The following SOX6 variants were observed in gnomAD, a reference collection of about 807,000 sequenced individuals.
The protein encoded by SOX6 is transcription factor SOX-6.
In SOX6, 11 loss-of-function variants were observed where a neutral mutation model predicts 97.8. The observed-to-expected ratio is 0.11, with a 90% CI of 0.07 to 0.19. SOX6 has a LOEUF of 0.19. SOX6 is among the 10% of genes least tolerant of loss of function. SOX6 has a pLI of 1.00. For missense variants in SOX6, 810 were observed against 1,039.5 expected (o/e 0.78, Z 3.04); for synonymous variants, 360 against 371.4 (o/e 0.97, Z 0.35).
chr11:16,470,632 T>C (rs548884538), intron 1 of SOX6, among the ~76,000 whole-genome samples: 107 of 152,226 alleles, frequency 7.0e-4, no homozygotes, highest in African/African-American at 2.4e-3. Context: ...ATTTCAAAAA[T>C]ATTTATACAG....
chr11:16,172,406 C>T (rs1851063675), intron 6 of SOX6, among the ~76,000 whole-genome samples: 1 of 152,062 alleles, frequency 6.6e-6, no homozygotes, highest in Non-Finnish European at 1.5e-5. Flanking sequence ...TCCCTGAAAG[C>T]AGGCCTTTAC....
chr11:16,256,067 A>G (rs1210687659), intron 3 of SOX6, among the ~76,000 whole-genome samples: 1 of 152,026 alleles, frequency 6.6e-6, no homozygotes, highest in African/African-American at 2.4e-5. Flanking sequence ...TTATATATTA[A>G]AGAAATTAAA....
chr11:16,351,847 T>C (rs2134360187), intron 1 of SOX6, among the ~76,000 whole-genome samples: 1 of 152,244 alleles, frequency 6.6e-6, no homozygotes, highest in African/African-American at 2.4e-5. Context: ...TTTAAAAATG[T>C]ATAATATCAT....
At chr11:16,396,621 A>C (rs562203851) in intron 1 of SOX6, among the ~76,000 whole-genome samples, 1 of 151,748 alleles carries the variant, frequency 6.6e-6, no homozygotes, top group East Asian at 1.9e-4. Flanking sequence ...AACTTCTCCT[A>C]AGTACAACAA....
intron 1 of SOX6, among the ~76,000 whole-genome samples, chr11:16,367,831 T>C (rs1857396816): frequency 6.6e-6 from 1 of 152,150 alleles, no homozygotes; most frequent in African/African-American, 2.4e-5. Context: ...ATACAAATAA[T>C]ACATGTACAT....
intron 6 of SOX6, among the ~76,000 whole-genome samples, chr11:16,116,605 T>G (rs1590206509): frequency 2.6e-5 from 4 of 152,322 alleles, no homozygotes; most frequent in Admixed American, 2.6e-4. Flanking sequence ...TGATAACATC[T>G]TGCAAAACTA....
At chr11:16,173,974 T>C (rs1447052092) in intron 6 of SOX6, among the ~76,000 whole-genome samples, 1 of 151,172 alleles carries the variant, frequency 6.6e-6, no homozygotes, top group Non-Finnish European at 1.5e-5. Flanking sequence ...GCCTCCCAAG[T>C]AGCTAGGACT....
At chr11:16,473,879 T>G (rs1043705793) in intron 1 of SOX6, among the ~76,000 whole-genome samples, 1 of 152,256 alleles carries the variant, frequency 6.6e-6, no homozygotes, top group Non-Finnish European at 1.5e-5. Context: ...CATACAATGC[T>G]GTTTGATAGC....
chr11:16,454,123 GT>G (rs1205362403), intron 1 of SOX6, among the ~76,000 whole-genome samples: 4 of 151,968 alleles, frequency 2.6e-5, no homozygotes, highest in Admixed American at 2.6e-4. Context: ...TCTTCTATAG[GT>G]TTTAAACTTT....
intron 4 of SOX6, among the ~76,000 whole-genome samples, chr11:16,604,043 G>A (rs1367681662): frequency 6.6e-6 from 1 of 152,236 alleles, no homozygotes; most frequent in Non-Finnish European, 1.5e-5. Context: ...CGACTGTCCA[G>A]TGACACCTTA....
chr11:16,555,665 G>A (rs1847741184), intron 4 of SOX6, among the ~76,000 whole-genome samples: 1 of 151,484 alleles, frequency 6.6e-6, no homozygotes, highest in South Asian at 2.1e-4. Context: ...CAATTAGAAG[G>A]AATACATATA....
At chr11:16,486,403 C>G (rs1021939671) in intron 4 of SOX6, among the ~76,000 whole-genome samples, 1 of 151,808 alleles carries the variant, frequency 6.6e-6, no homozygotes, top group African/African-American at 2.4e-5. Flanking sequence ...TTTTTAAGAT[C>G]TTTTTTTTCT....
intron 3 of SOX6, 74 bp downstream of exon 3, chr11:16,318,372 C>CTTTTTT: frequency 1.5e-6 from 2 of 1,361,810 alleles, no homozygotes; most frequent in Non-Finnish European, 2.1e-6. Context: ...TGAAATCCCA[C>CTTTTTT]TTTTTTTTTT....
At chr11:16,199,964 C>T (rs1851888587) in intron 4 of SOX6, among the ~76,000 whole-genome samples, 1 of 152,138 alleles carries the variant, frequency 6.6e-6, no homozygotes, top group Non-Finnish European at 1.5e-5. Flanking sequence ...TTTCTAACAT[C>T]ACCTTCTTCC....
intron 6 of SOX6, among the ~76,000 whole-genome samples, chr11:16,120,722 T>C (rs1849469138): frequency 6.6e-6 from 1 of 152,090 alleles, no homozygotes; most frequent in South Asian, 2.1e-4. Context: ...ATTCACAGAA[T>C]AAACGAAAAA....
chr11:16,256,160 A>G lies in SOX6; in HGVS notation c.446-21489T>C, dbSNP rs142399474. Among the ~76,000 whole-genome samples the G allele has an allele frequency of 4.2e-3, 644 of 152,156 alleles. 2 individuals carry two copies. The highest frequency in any genetic ancestry group is 6.8e-3 in the Non-Finnish European group (465 of 67,886). ...ATGCCAATTCTATATCATTTCTTTC[A>G]GAAGATAGAAGCAAAGGGAATCTTT... On this transcript the variant is annotated intron_variant, in intron 3 of 15. Coordinates refer to ENST00000683767, the MANE Select transcript of SOX6 (RefSeq NM_001367873.1).
At chr11:16,447,270 T>C (rs553401427) in intron 1 of SOX6, among the ~76,000 whole-genome samples, 19 of 152,290 alleles carry the variant, frequency 1.2e-4, no homozygotes, top group African/African-American at 2.4e-5. Context: ...AGCACAGTCA[T>C]TGAATAAACC....
chr11:16,116,017 CTT>C lies in SOX6; in HGVS notation c.778-4096_778-4095del, dbSNP rs779916167. Among the ~76,000 whole-genome samples, 99 of 152,096 alleles carry C rather than the reference CTT, an allele frequency of 6.5e-4. 1 individual carries two copies. Among genetic ancestry groups the C allele is most frequent in the Non-Finnish European group, 8.1e-4 (55 of 68,004 alleles). ...ATTTTGTTCCAAGGGTTAAAATTGA[CTT>C]AAACTTATTTTAAGTAAAACAATAA... On this transcript the variant is annotated intron_variant, in intron 6 of 15. Transcript: ENST00000683767.
intron 6 of SOX6, among the ~76,000 whole-genome samples, chr11:16,143,707 C>T (rs1396939831): frequency 6.6e-6 from 1 of 152,088 alleles, no homozygotes; most frequent in Non-Finnish European, 1.5e-5. Context: ...CAATCCTAGT[C>T]TCTGATAAAA....
Sources: gnomAD v4.1 joint callset for allele counts (sites outside exome capture counted in the v4.1 genomes callset) on GRCh38, gnomAD v4.1.1 for gene constraint, MANE v1.5 for transcripts, NCBI Gene and HGNC (gene_info 2026-07-23, HGNC 2026-07-21) for gene names.